The following CNTLN variants were observed in gnomAD, a reference collection of about 807,000 sequenced individuals.
CNTLN encodes centlein.
CNTLN carries 212 observed loss-of-function variants against 180.0 expected under a neutral mutation model. That is an observed-to-expected ratio of 1.18 (90% CI 1.05 to 1.32). The LOEUF is 1.32. CNTLN is among the 40% of genes most tolerant of loss of function. CNTLN has a pLI of 0.00. For synonymous variants in CNTLN, 722 were observed against 563.1 expected (o/e 1.28, Z -3.99); for missense variants, 2,095 against 1,610.9 (o/e 1.30, Z -5.14).
intron 2 of CNTLN, among the ~76,000 whole-genome samples, chr9:17,224,466 T>A (rs112021086): frequency 0.022 from 3,387 of 152,108 alleles, 124 homozygotes; most frequent in African/African-American, 0.077. Context: ...TTCATCCCCA[T>A]AGTTATTACT....
At chr9:17,420,799 C>A (rs564993615) in intron 18 of CNTLN, among the ~76,000 whole-genome samples, 32 of 152,092 alleles carry the variant, frequency 2.1e-4, no homozygotes, top group African/African-American at 7.2e-4. Flanking sequence ...CTCTTAATTT[C>A]TTGTTTCTTA....
intron 14 of CNTLN, among the ~76,000 whole-genome samples, chr9:17,393,729 A>G (rs188372594): frequency 4.5e-4 from 68 of 152,318 alleles, no homozygotes; most frequent in Non-Finnish European, 8.8e-4. Context: ...ACTTATTATT[A>G]ATAAGATCTA....
chr9:17,215,127 C>T (rs1286055366), intron 2 of CNTLN, among the ~76,000 whole-genome samples: 1 of 152,200 alleles, frequency 6.6e-6, no homozygotes, highest in Non-Finnish European at 1.5e-5. Flanking sequence ...AGGAGAGGAG[C>T]TCTGATTTTT....
In CNTLN at chr9:17,394,951, G is replaced by T; in HGVS notation, c.2497G>T (p.Ala833Ser). ...TATGACCAAGGTTAAATTTAAAGCT[G>T]CGAAGAAAAATTGCTCTGTGGGTCG... ...TTMTKVKFKA[A>S]KKNCSVGRHH... The change falls in exon 15 of 26, where the codon GCG becomes TCG. Residue 833 changes from alanine (A) to serine (S), a missense_variant. Coordinates refer to ENST00000380647, the MANE Select transcript of CNTLN (RefSeq NM_017738.4). 6.2e-7 allele frequency: 1 copy of T among 1,614,080 alleles called. No homozygotes were observed. The highest frequency in any genetic ancestry group is 8.5e-7 in the Non-Finnish European group (1 of 1,179,970).
At chr9:17,318,370 G>A (rs551835778) in intron 8 of CNTLN, among the ~76,000 whole-genome samples, 1 of 152,100 alleles carries the variant, frequency 6.6e-6, no homozygotes, top group Non-Finnish European at 1.5e-5. Flanking sequence ...ATGCATTGCA[G>A]AAAACAGAAT....
At chr9:17,152,035 T>A (rs546810319) in intron 2 of CNTLN, among the ~76,000 whole-genome samples, 2 of 152,334 alleles carry the variant, frequency 1.3e-5, no homozygotes, top group East Asian at 3.9e-4. Flanking sequence ...ATGGCATCTA[T>A]TTGATTCTTC....
At chr9:17,490,212 A>C (rs556084452) in intron 25 of CNTLN, among the ~76,000 whole-genome samples, 1 of 152,202 alleles carries the variant, frequency 6.6e-6, no homozygotes, top group Non-Finnish European at 1.5e-5. Context: ...GGTTGGAGAG[A>C]GGAGACTGGG....
At chr9:17,186,168 G>A (rs568696298) in intron 2 of CNTLN, among the ~76,000 whole-genome samples, 3 of 152,166 alleles carry the variant, frequency 2.0e-5, no homozygotes, top group African/African-American at 7.2e-5. Flanking sequence ...TTTCTTATAG[G>A]ATTTTCCATA....
At chr9:17,312,328 A>G (rs1819187781) in intron 8 of CNTLN, among the ~76,000 whole-genome samples, 1 of 124,806 alleles carries the variant, frequency 8.0e-6, no homozygotes, top group African/African-American at 2.8e-5. Flanking sequence ...GTAGTACTCG[A>G]TAAGATTACT....
At chr9:17,466,679 T>G in intron 22 of CNTLN, 27 bp from the exon 23 acceptor site, 4 of 1,571,708 alleles carry the variant, frequency 2.5e-6, no homozygotes, top group Non-Finnish European at 3.5e-6. Context: ...AAATATCTTT[T>G]ATTTTATGAC....
chr9:17,487,100 C>T (rs1343142506), intron 25 of CNTLN, 34 bp downstream of exon 25: 7 of 1,391,708 alleles, frequency 5.0e-6, no homozygotes, highest in Non-Finnish European at 5.1e-6. Flanking sequence ...TATTAAGCTT[C>T]CAAATAAGAA....
At chr9:17,273,031 A>G (rs981796402) in intron 5 of CNTLN, among the ~76,000 whole-genome samples, 1 of 151,850 alleles carries the variant, frequency 6.6e-6, no homozygotes, top group Admixed American at 6.6e-5. Flanking sequence ...TTTATCTAAA[A>G]CTTGGTGTTT....
At chr9:17,393,668 T>A (rs143827963) in intron 14 of CNTLN, among the ~76,000 whole-genome samples, 138 of 152,318 alleles carry the variant, frequency 9.1e-4, no homozygotes, top group Admixed American at 1.9e-3. Context: ...ATGTTGATCA[T>A]GTTTTTGAAA....
At chr9:17,276,452 C>G (rs1220122363) in intron 6 of CNTLN, among the ~76,000 whole-genome samples, 3 of 152,122 alleles carry the variant, frequency 2.0e-5, no homozygotes, top group Non-Finnish European at 4.4e-5. Flanking sequence ...TTTGGATACA[C>G]TTTTCCTCAC....
intron 11 of CNTLN, 149 bp downstream of exon 11, chr9:17,341,097 C>T: frequency 1.6e-6 from 1 of 637,530 alleles, no homozygotes; most frequent in Admixed American, 4.2e-5. Context: ...GAGAATATAA[C>T]AAATTAAAAC....
At chr9:17,255,488 A>C (rs1163562263) in intron 5 of CNTLN, among the ~76,000 whole-genome samples, 2 of 151,652 alleles carry the variant, frequency 1.3e-5, no homozygotes, top group African/African-American at 2.4e-5. Flanking sequence ...GGTTTATTTC[A>C]TAAATTGAAT....
chr9:17,464,434 T>G, intron 20 of CNTLN, 63 bp from the exon 21 acceptor site: 1 of 1,388,470 alleles, frequency 7.2e-7, no homozygotes, highest in Non-Finnish European at 9.7e-7. Context: ...GGATAAAATG[T>G]AAGATATCAC....
intron 18 of CNTLN, among the ~76,000 whole-genome samples, chr9:17,444,475 A>G (rs910226050): frequency 6.6e-6 from 1 of 152,200 alleles, no homozygotes; most frequent in Non-Finnish European, 1.5e-5. Context: ...ACATTGCAGT[A>G]CTTATGTATT....
chr9:17,417,751 C>G (rs187540836), intron 18 of CNTLN, among the ~76,000 whole-genome samples: 1 of 151,944 alleles, frequency 6.6e-6, no homozygotes, highest in African/African-American at 2.4e-5. Context: ...CCTAGGGATT[C>G]AACTAAAAAT....
Sources: gnomAD v4.1 joint callset for allele counts (sites outside exome capture counted in the v4.1 genomes callset) on GRCh38, gnomAD v4.1.1 for gene constraint, MANE v1.5 for transcripts, NCBI Gene and HGNC (gene_info 2026-07-23, HGNC 2026-07-21) for gene names.